The following SYTL1 variants were observed in gnomAD, a reference collection of about 807,000 sequenced individuals.
The protein encoded by SYTL1 is synaptotagmin like 1.
A neutral mutation model predicts 74.6 loss-of-function variants in SYTL1; 53 were observed. That is an observed-to-expected ratio of 0.71 (90% CI 0.57 to 0.89). The LOEUF (loss-of-function observed/expected upper bound fraction) is 0.89, where lower values mean the gene tolerates loss of function less well. SYTL1 is among the 40% of genes least tolerant of loss of function. SYTL1 has a pLI of 0.00. For synonymous variants in SYTL1, 329 were observed against 324.9 expected (o/e 1.01, Z -0.14); for missense variants, 728 against 768.7 (o/e 0.95, Z 0.63).
At position 27,349,468 on chromosome 1, in the gene SYTL1, A is replaced by C. The variant is rs913909016; in HGVS notation, c.603A>C (p.Gly201=). 1.2e-5 allele frequency: 18 copies of C among 1,453,160 alleles called. No homozygotes were observed. Among genetic ancestry groups the C allele is most frequent in the Non-Finnish European group, 1.4e-5 (15 of 1,102,390 alleles). 90.0% of individuals were successfully genotyped at this position (1,453,160 alleles called of 1,614,324 possible). A position where few individuals can be genotyped will look rare whatever the true frequency, so the allele number is the denominator to read the frequency against. ...CGGAGCTGGAGCCCGCGTCGGGGGGAGAGCAGGAGCCGCGGCCCCAGCAAG... is the reference window on the plus strand; with the variant it reads ...CGGAGCTGGAGCCCGCGTCGGGGGGCGAGCAGGAGCCGCGGCCCCAGCAAG... The part of the protein sequence containing the change: ...ADPELEPASG[G]EQEPRPQQAQ... Residue 201 remains glycine (G), a synonymous_variant, in exon 7 of 15, where the codon GGA becomes GGC. Coordinates refer to ENST00000616558, the MANE Select transcript of SYTL1 (RefSeq NM_001193308.2).
At position 27,350,959 on chromosome 1, in the gene SYTL1, C is replaced by T; in HGVS notation, c.1164+7C>T. On this transcript the variant is annotated splice_region_variant and intron_variant, in intron 11 of 14. Coordinates refer to ENST00000616558, the MANE Select transcript of SYTL1 (RefSeq NM_001193308.2). The surrounding 1 kb of genome is among the most constrained non-coding windows in gnomAD (Gnocchi z 6.3). ...GCTCCCCCTGCAGCCCCGGGTGAGG[C>T]AGCCAGGCCGCGTGGGGAGACCTGC... 1 of 1,612,692 alleles carries T rather than the reference C, an allele frequency of 6.2e-7. No homozygotes were observed. The highest frequency in any genetic ancestry group is 8.5e-7 in the Non-Finnish European group (1 of 1,179,692).
In SYTL1 at chr1:27,348,829, G is replaced by T. The variant is rs755262796; in HGVS notation, c.460-251G>T. Reference sequence around the variant, plus strand: ...AATGGGACTGGCCTGGCCTGGCAGAGGTGGAGGACTCAGGTACGAATGACC... The same window carrying T: ...AATGGGACTGGCCTGGCCTGGCAGATGTGGAGGACTCAGGTACGAATGACC... On this transcript the variant is annotated intron_variant, in intron 5 of 14. Transcript: ENST00000616558. The surrounding 1 kb of genome is among the most constrained non-coding windows in gnomAD (Gnocchi z 4.1). 6.6e-6 allele frequency among the ~76,000 whole-genome samples: 1 copy of T among 152,228 alleles called. No individual in the cohort carries two copies. The highest frequency in any genetic ancestry group is 1.5e-5 in the Non-Finnish European group (1 of 68,044).
rs200830813 is a variant in SYTL1, at chr1:27,353,402, G to A, written c.1463G>A (p.Arg488His). The change falls in exon 14 of 15, where the codon CGC becomes CAC. Residue 488 changes from arginine (R) to histidine (H), a missense_variant. Coordinates refer to ENST00000616558, the MANE Select transcript of SYTL1 (RefSeq NM_001193308.2). ...VYDGFGPADL[R>H]QACAELSLWD... ...GATGGCTTTGGGCCTGCTGACCTGC[G>A]CCAGGCTTGTGCCGAGCTCTCCCTC... 3.7e-5 allele frequency: 60 copies of A among 1,611,388 alleles called. No individual in the cohort carries two copies. In the African/African-American group the frequency reaches 4.1e-4, roughly 11 times the overall value.
In SYTL1 at chr1:27,351,531, G is replaced by T. The variant is rs2015277466; in HGVS notation, c.1319G>T (p.Gly440Val). 3 of 1,548,596 alleles carry T rather than the reference G, an allele frequency of 1.9e-6. No individual in the cohort carries two copies. In the East Asian group the frequency reaches 7.3e-5, roughly 38 times the overall value. ...EARDLLPLRA[G>V]SLDTYVQCFV... ...CGGGACCTCCTGCCGCTGCGGGCAG[G>T]ATCCCTGGACACTTACGTACAATGG... The change falls in exon 13 of 15, where the codon GGA becomes GTA. Residue 440 changes from glycine (G) to valine (V), a missense_variant. Coordinates refer to ENST00000616558, the MANE Select transcript of SYTL1 (RefSeq NM_001193308.2). This position sits in a 1 kb window ranked among gnomAD's most constrained non-coding sequence, Gnocchi z 5.0.
chr1:27,350,943 G>A lies in SYTL1; in HGVS notation c.1155G>A (p.Leu385=). The A allele has an allele frequency of 6.2e-7, 1 of 1,613,050 alleles. No homozygotes were observed. Among genetic ancestry groups the A allele is most frequent in the Non-Finnish European group, 8.5e-7 (1 of 1,179,834 alleles). Residue 385 remains leucine, a synonymous_variant, in exon 11 of 15, where the codon CTG becomes CTA. Coordinates refer to ENST00000616558, the MANE Select transcript of SYTL1 (RefSeq NM_001193308.2). This position sits in a 1 kb window ranked among gnomAD's most constrained non-coding sequence, Gnocchi z 6.3. The part of the protein sequence containing the change: ...DWGSEPTWLP[L]QPRVPPSPDD... ...GCTCTGAGCCCACCTGGCTCCCCCT[G>A]CAGCCCCGGGTGAGGCAGCCAGGCC...
At position 27,342,469 on chromosome 1, in the gene SYTL1, A is replaced by AGCT; in HGVS notation, c.-39+319_-39+320insGCT. 2.9e-6 allele frequency: 1 copy of AGCT among 349,918 alleles called. No homozygotes were observed. Among genetic ancestry groups the AGCT allele is most frequent in the Non-Finnish European group, 4.0e-6 (1 of 249,000 alleles). 21.7% of individuals were successfully genotyped at this position (349,918 alleles called of 1,614,324 possible). On this transcript the variant is annotated intron_variant, in intron 1 of 14. Transcript: ENST00000616558. The surrounding 1 kb of genome is among the most constrained non-coding windows in gnomAD (Gnocchi z 4.7). ...CCATGGCCCAGCTCAGGCAGGCCTG[A>AGCT]AGGACAGAAATAGGCTCAGTTCTGC...
Position 27,347,295 on chromosome 1 carries a change from A to C in SYTL1, c.192-126A>C. On this transcript the variant is annotated intron_variant, in intron 2 of 14. Coordinates refer to ENST00000616558, the MANE Select transcript of SYTL1 (RefSeq NM_001193308.2). The surrounding 1 kb of genome is among the most constrained non-coding windows in gnomAD (Gnocchi z 4.9). ...TCTCCCCAGCAGCCCGAGCTCCTCC[A>C]CAGCACAGATCAAGTCTGATTTGCT... 2.3e-6 allele frequency: 3 copies of C among 1,301,076 alleles called. No individual in the cohort carries two copies. The highest frequency in any genetic ancestry group is 3.2e-6 in the Non-Finnish European group (3 of 925,000). The allele number at this position is 1,301,076 out of a possible 1,614,324, so 80.6% of individuals were successfully genotyped here. A position where few individuals can be genotyped will look rare whatever the true frequency, so the allele number is the denominator to read the frequency against.
At chr1:27,344,012 A>G (rs1466127109) in intron 1 of SYTL1, among the ~76,000 whole-genome samples, 1 of 151,896 alleles carries the variant, frequency 6.6e-6, no homozygotes, top group Admixed American at 6.6e-5. Context: ...GCTCACTGCA[A>G]CCTCCTTCTC....
Position 27,347,303 on chromosome 1 carries a change from G to A in SYTL1, c.192-118G>A. ...GCAGCCCGAGCTCCTCCACAGCACA[G>A]ATCAAGTCTGATTTGCTGTTGGGTC... On this transcript the variant is annotated intron_variant, in intron 2 of 14. Transcript: ENST00000616558. This position sits in a 1 kb window ranked among gnomAD's most constrained non-coding sequence, Gnocchi z 4.9. The A allele has an allele frequency of 7.3e-7, 1 of 1,376,982 alleles. No homozygotes were observed. The highest frequency in any genetic ancestry group is 1.0e-6 in the Non-Finnish European group (1 of 987,046). The allele number at this position is 1,376,982 out of a possible 1,614,324, so 85.3% of individuals were successfully genotyped here.
In SYTL1 at chr1:27,345,041, C is replaced by T. The variant is rs1353094340; in HGVS notation, c.-38-256C>T. ...GTGCACATGTGTCTGTGTGTTCCAT[C>T]GCTGCAGTCCTGTGTGGCCCTACCT... On this transcript the variant is annotated intron_variant, in intron 1 of 14. Transcript: ENST00000616558. This position sits in a 1 kb window ranked among gnomAD's most constrained non-coding sequence, Gnocchi z 6.0. 1.2e-5 allele frequency: 3 copies of T among 243,052 alleles called. No individual in the cohort carries two copies. The highest frequency in any genetic ancestry group is 2.4e-5 in the Non-Finnish European group (3 of 126,592). The allele number at this position is 243,052 out of a possible 1,614,324, so 15.1% of individuals were successfully genotyped here.
chr1:27,345,247 T>C lies in SYTL1; in HGVS notation c.-38-50T>C. Reference sequence around the variant, plus strand: ...GAGAAAAGGGCTGTTGGTTCTAGGATGTGCCAAGCATTTGTGCAGGGCTTG... The same window carrying C: ...GAGAAAAGGGCTGTTGGTTCTAGGACGTGCCAAGCATTTGTGCAGGGCTTG... On this transcript the variant is annotated intron_variant, in intron 1 of 14. Transcript: ENST00000616558. The surrounding 1 kb of genome is among the most constrained non-coding windows in gnomAD (Gnocchi z 6.0). The C allele has an allele frequency of 9.7e-7, 1 of 1,028,762 alleles. No homozygotes were observed. The highest frequency in any genetic ancestry group is 1.4e-6 in the Non-Finnish European group (1 of 731,716). The allele number at this position is 1,028,762 out of a possible 1,614,324, so 63.7% of individuals were successfully genotyped here. A position where few individuals can be genotyped will look rare whatever the true frequency, so the allele number is the denominator to read the frequency against.
In SYTL1 at chr1:27,343,732, G is replaced by A. The variant is rs1166129895; in HGVS notation, c.-38-1565G>A. ...AACCATCTGTTGTGTGCAAAGTAATGGCTTTGAGGGTGACTCCCTCTCCCT... is the reference window on the plus strand; with the variant it reads ...AACCATCTGTTGTGTGCAAAGTAATAGCTTTGAGGGTGACTCCCTCTCCCT... On this transcript the variant is annotated intron_variant, in intron 1 of 14. Coordinates refer to ENST00000616558, the MANE Select transcript of SYTL1 (RefSeq NM_001193308.2). This position sits in a 1 kb window ranked among gnomAD's most constrained non-coding sequence, Gnocchi z 5.2. Among the ~76,000 whole-genome samples, 2 of 152,166 alleles carry A rather than the reference G, an allele frequency of 1.3e-5. No homozygotes were observed. Among genetic ancestry groups the A allele is most frequent in the Non-Finnish European group, 2.9e-5 (2 of 68,024 alleles).
In SYTL1 at chr1:27,345,477, T is replaced by A; in HGVS notation, c.143T>A (p.Val48Asp). The A allele has an allele frequency of 3.2e-6, 5 of 1,560,366 alleles. No homozygotes were observed. Among genetic ancestry groups the A allele is most frequent in the Non-Finnish European group, 4.3e-6 (5 of 1,151,476 alleles). Residue 48 changes from valine to aspartate, a missense_variant, in exon 2 of 15, where the codon GTC becomes GAC. Physicochemically the swap from Val to Asp is radical, Grantham distance 152. Coordinates refer to ENST00000616558, the MANE Select transcript of SYTL1 (RefSeq NM_001193308.2). The surrounding 1 kb of genome is among the most constrained non-coding windows in gnomAD (Gnocchi z 6.0). Reference protein sequence around the residue: ...TEEEQEAIAGVLQRDARLRQL... With the variant: ...TEEEQEAIAGDLQRDARLRQL... ...GAGGAGCAGGAGGCCATTGCTGGCGTCCTCCAACGAGATGCCCGCCTGCGC... is the reference window on the plus strand; with the variant it reads ...GAGGAGCAGGAGGCCATTGCTGGCGACCTCCAACGAGATGCCCGCCTGCGC...
Position 27,350,015 on chromosome 1 carries a change from T to C in SYTL1, c.791T>C (p.Val264Ala). The C allele has an allele frequency of 6.4e-7, 1 of 1,557,622 alleles. No homozygotes were observed. Among genetic ancestry groups the C allele is most frequent in the African/African-American group, 1.4e-5 (1 of 72,522 alleles). The change falls in exon 9 of 15, where the codon GTG becomes GCG. Residue 264 changes from valine to alanine, a missense_variant. By Grantham distance (64) the Val-to-Ala change is moderately conservative (BLOSUM62 0). Coordinates refer to ENST00000616558, the MANE Select transcript of SYTL1 (RefSeq NM_001193308.2). The surrounding 1 kb of genome is among the most constrained non-coding windows in gnomAD (Gnocchi z 6.3). ...AGCCTGTCAGGCGACGCGGAGGCGG[T>C]GCAGGTCCGCGGCTCCGTGCACTTC... ...QMSLSGDAEA[V>A]QVRGSVHFAL... is the part of the protein sequence containing the mutation.
Position 27,343,781 on chromosome 1 carries a change from G to A in SYTL1, c.-38-1516G>A, listed in dbSNP as rs2014880716. On this transcript the variant is annotated intron_variant, in intron 1 of 14. Transcript: ENST00000616558. The surrounding 1 kb of genome is among the most constrained non-coding windows in gnomAD (Gnocchi z 5.2). ...CTGCCTCCAAGGAGCTCACAACCCA[G>A]TTAGCCGGGCAATGTATGTGTGCCA... 2.6e-5 allele frequency among the ~76,000 whole-genome samples: 4 copies of A among 152,220 alleles called. No homozygotes were observed. The highest frequency in any genetic ancestry group is 2.6e-4 in the Admixed American group (4 of 15,284).
chr1:27,345,730 C>G lies in SYTL1; in HGVS notation c.191+205C>G, dbSNP rs1381089482. Among the ~76,000 whole-genome samples, 1 of 152,040 alleles carries G rather than the reference C, an allele frequency of 6.6e-6. No homozygotes were observed. Among genetic ancestry groups the G allele is most frequent in the Non-Finnish European group, 1.5e-5 (1 of 68,008 alleles). ...TCTCGCCAGCCTCCCTGCCTCCAGG[C>G]TTGCCTCTTGGGCCCACCTCCTGCA... is the stretch of plus-strand genomic sequence containing the variant. On this transcript the variant is annotated intron_variant, in intron 2 of 14. Coordinates refer to ENST00000616558, the MANE Select transcript of SYTL1 (RefSeq NM_001193308.2). The surrounding 1 kb of genome is among the most constrained non-coding windows in gnomAD (Gnocchi z 6.0).
Position 27,350,091 on chromosome 1 carries a change from G to A in SYTL1, c.867G>A (p.Gln289=). 6.9e-7 allele frequency: 1 copy of A among 1,453,678 alleles called. No individual in the cohort carries two copies. Among genetic ancestry groups the A allele is most frequent in the Non-Finnish European group, 9.0e-7 (1 of 1,110,126 alleles). 90.0% of individuals were successfully genotyped at this position (1,453,678 alleles called of 1,614,324 possible). A position where few individuals can be genotyped will look rare whatever the true frequency, so the allele number is the denominator to read the frequency against. Residue 289 remains glutamine (Q), a synonymous_variant, in exon 9 of 15, where the codon CAG becomes CAA. Transcript: ENST00000616558. This position sits in a 1 kb window ranked among gnomAD's most constrained non-coding sequence, Gnocchi z 6.3. The part of the protein sequence containing the change: ...GAAELRVHVI[Q]CQGLAAARRR... Reference sequence around the variant, plus strand: ...CCGAGCTGCGCGTGCACGTGATCCAGTGCCAGGGCCTGGCCGCCGCCCGGC... The same window carrying A: ...CCGAGCTGCGCGTGCACGTGATCCAATGCCAGGGCCTGGCCGCCGCCCGGC...
At position 27,345,387 on chromosome 1, in the gene SYTL1, T is replaced by A; in HGVS notation, c.53T>A (p.Leu18His). Reference sequence around the variant, plus strand: ...GAGGGGCTTTGGGCTCTGCCCTCCCTCCCCATGGCGCATGGGCCAAAGCCT... The same window carrying A: ...GAGGGGCTTTGGGCTCTGCCCTCCCACCCCATGGCGCATGGGCCAAAGCCT... ...SQEGLWALPS[L>H]PMAHGPKPET... The change falls in exon 2 of 15, where the codon CTC becomes CAC. Residue 18 changes from leucine (L) to histidine (H), a missense_variant. Coordinates refer to ENST00000616558, the MANE Select transcript of SYTL1 (RefSeq NM_001193308.2). The surrounding 1 kb of genome is among the most constrained non-coding windows in gnomAD (Gnocchi z 6.0). 6.4e-7 allele frequency: 1 copy of A among 1,553,996 alleles called. No homozygotes were observed. Among genetic ancestry groups the A allele is most frequent in the Non-Finnish European group, 8.7e-7 (1 of 1,148,424 alleles).
rs1177114831 is a variant in SYTL1 at position 27,343,573 on chromosome 1, CG to C, written c.-39+1428del. ...GACCCAGGCTGTGAGGTTCCTGGTG[CG>C]GGGGAGTGAGCAGATGTGTGTGTGT... On this transcript the variant is annotated intron_variant, in intron 1 of 14. Transcript: ENST00000616558. The surrounding 1 kb of genome is among the most constrained non-coding windows in gnomAD (Gnocchi z 5.2). Among the ~76,000 whole-genome samples the C allele has an allele frequency of 6.8e-6, 1 of 146,446 alleles. No homozygotes were observed. The highest frequency in any genetic ancestry group is 1.5e-5 in the Non-Finnish European group (1 of 65,858).
Sources: gnomAD v4.1 joint callset for allele counts (sites outside exome capture counted in the v4.1 genomes callset) on GRCh38, gnomAD v4.1.1 for gene constraint, Gnocchi (gnomAD v3.1) non-coding constraint, MANE v1.5 for transcripts, NCBI Gene and HGNC (gene_info 2026-07-23, HGNC 2026-07-21) for gene names.